Variants in ARMC9 observed in about 807,000 individuals in gnomAD.
The protein encoded by ARMC9 is armadillo repeat containing 9.
Under a neutral mutation model 107.0 loss-of-function variants are expected in ARMC9, and 94 were observed. The observed-to-expected ratio is 0.88, with a 90% CI of 0.74 to 1.04. ARMC9 has a LOEUF of 1.04. ARMC9 is among the 50% of genes least tolerant of loss of function. ARMC9 has a pLI of 0.00. For missense variants in ARMC9, 942 were observed against 1,030.1 expected (o/e 0.91, Z 1.17); for synonymous variants, 380 against 396.9 (o/e 0.96, Z 0.51).
At chr2:231,250,101 G>A (rs1195036991) in intron 9 of ARMC9, among the ~76,000 whole-genome samples, 1 of 152,192 alleles carries the variant, frequency 6.6e-6, no homozygotes, top group African/African-American at 2.4e-5. Context: ...CTTTCCCTGA[G>A]CTCTCAGCCT....
At chr2:231,324,167 GC>G (rs1293902574) in intron 19 of ARMC9, among the ~76,000 whole-genome samples, 15 of 101,364 alleles carry the variant, frequency 1.5e-4, no homozygotes, top group African/African-American at 4.8e-4. Context: ...TTGCTCTGTT[GC>G]CCAGGCTGGA....
chr2:231,262,212 G>T, intron 11 of ARMC9, 94 bp from the exon 12 acceptor site: 1 of 1,118,090 alleles, frequency 8.9e-7, no homozygotes, highest in South Asian at 1.3e-5. Context: ...AAATGTGTAG[G>T]TACTGATACT....
intron 21 of ARMC9, among the ~76,000 whole-genome samples, chr2:231,346,831 T>C (rs1329913220): frequency 6.6e-6 from 1 of 152,224 alleles, no homozygotes; most frequent in Non-Finnish European, 1.5e-5. Context: ...TACCAATTAC[T>C]AGTAAATCTA....
intron 3 of ARMC9, among the ~76,000 whole-genome samples, chr2:231,211,626 T>C (rs1346535101): frequency 6.6e-6 from 1 of 152,188 alleles, no homozygotes; most frequent in Non-Finnish European, 1.5e-5. Flanking sequence ...CCCAGAAGTA[T>C]TGCTGGATCA....
chr2:231,356,068 CAG>C (rs1418888192), intron 22 of ARMC9, 134 bp downstream of exon 22: 1 of 1,210,086 alleles, frequency 8.3e-7, no homozygotes, highest in African/African-American at 1.5e-5. Context: ...CCCCGTGTCA[CAG>C]AGGCTCACGG....
chr2:231,231,378 A>G (rs945829662), intron 7 of ARMC9, among the ~76,000 whole-genome samples: 4 of 152,140 alleles, frequency 2.6e-5, no homozygotes, highest in African/African-American at 7.2e-5. Flanking sequence ...TATATATATG[A>G]AAAACTTTAT....
chr2:231,296,758 A>G (rs2041401256), intron 19 of ARMC9, among the ~76,000 whole-genome samples: 1 of 152,214 alleles, frequency 6.6e-6, no homozygotes, highest in South Asian at 2.1e-4. Context: ...CTGGTGTTTT[A>G]GAGCATGAAG....
At chr2:231,298,458 C>G (rs996636214) in intron 19 of ARMC9, among the ~76,000 whole-genome samples, 2 of 152,218 alleles carry the variant, frequency 1.3e-5, no homozygotes, top group African/African-American at 4.8e-5. Flanking sequence ...AGAAGTAGCA[C>G]TGTTGTTGGA....
At chr2:231,270,874 C>T (rs1430793277) in intron 12 of ARMC9, 108 bp from the exon 13 acceptor site, 1 of 903,942 alleles carries the variant, frequency 1.1e-6, no homozygotes, top group African/African-American at 1.7e-5. Flanking sequence ...TTTATTTCAC[C>T]TCTAATAAAT....
At chr2:231,202,908 G>C (rs1455873169) in intron 1 of ARMC9, among the ~76,000 whole-genome samples, 1 of 152,086 alleles carries the variant, frequency 6.6e-6, no homozygotes, top group Admixed American at 6.6e-5. Context: ...GCAGACTTGG[G>C]GGGTATGCCT....
chr2:231,210,963 T>C lies in ARMC9; in HGVS notation c.177+2711T>C, dbSNP rs545589830. The stretch of plus-strand genomic sequence containing the variant: ...CACTATTCTACTTTCTGTCTATGAA[T>C]TGGCTACTTTAGATATGTCATATAA... On this transcript the variant is annotated intron_variant, in intron 3 of 24. Transcript: ENST00000611582. 5.9e-5 allele frequency among the ~76,000 whole-genome samples: 9 copies of C among 152,344 alleles called. No individual in the cohort carries two copies. The South Asian group carries it at 1.9e-3, about 32-fold the overall frequency.
At chr2:231,229,148 G>A (rs1044878238) in intron 7 of ARMC9, among the ~76,000 whole-genome samples, 4 of 151,990 alleles carry the variant, frequency 2.6e-5, no homozygotes, top group East Asian at 1.9e-4. Context: ...CATCTGTGGC[G>A]GAGTGAACTC....
At chr2:231,329,735 T>C (rs1299831344) in intron 19 of ARMC9, among the ~76,000 whole-genome samples, 1 of 152,238 alleles carries the variant, frequency 6.6e-6, no homozygotes, top group Non-Finnish European at 1.5e-5. Context: ...TCAATGTTCG[T>C]GTGTTCCTTA....
chr2:231,355,652 C>T (rs2045310132), intron 21 of ARMC9, 146 bp from the exon 22 acceptor site: 1 of 1,047,324 alleles, frequency 9.5e-7, no homozygotes, highest in Non-Finnish European at 1.3e-6. Context: ...TGCCAAGACC[C>T]TTTAGAAGGT....
At chr2:231,211,006 T>C (rs1574595495) in intron 3 of ARMC9, among the ~76,000 whole-genome samples, 3 of 152,206 alleles carry the variant, frequency 2.0e-5, no homozygotes, top group East Asian at 3.8e-4. Context: ...TATGCAGTAT[T>C]CGTCTTTCTG....
intron 10 of ARMC9, among the ~76,000 whole-genome samples, chr2:231,256,934 T>C (rs2037877829): frequency 6.6e-6 from 1 of 152,222 alleles, no homozygotes; most frequent in Admixed American, 6.5e-5. Context: ...CAAGCGATTG[T>C]CCTGCCTCAG....
chr2:231,238,055 A>T lies in ARMC9; in HGVS notation c.781-1888A>T, dbSNP rs372001593. On this transcript the variant is annotated intron_variant, in intron 8 of 24. Transcript: ENST00000611582. ...GCTCACTGGTTGTGAGCTTTGCCAC[A>T]CGAGTTTCCATGGAGGAACGCAGGT... is the stretch of plus-strand genomic sequence containing the variant. Among the ~76,000 whole-genome samples the T allele has an allele frequency of 3.3e-5, 5 of 151,890 alleles. No homozygotes were observed. The East Asian group carries it at 5.8e-4, about 18-fold the overall frequency.
chr2:231,324,248 C>T (rs1333954425), intron 19 of ARMC9, among the ~76,000 whole-genome samples: 2 of 150,458 alleles, frequency 1.3e-5, no homozygotes, highest in Admixed American at 6.6e-5. Flanking sequence ...CTGCCTCAGC[C>T]TCCTGAGTAG....
intron 17 of ARMC9, among the ~76,000 whole-genome samples, chr2:231,289,743 T>G (rs1045730498): frequency 7.2e-5 from 11 of 152,180 alleles, no homozygotes; most frequent in Admixed American, 3.9e-4. Context: ...TGGACAACTT[T>G]CCAGAGTTCT....
Sources: gnomAD v4.1 joint callset for allele counts (sites outside exome capture counted in the v4.1 genomes callset) on GRCh38, gnomAD v4.1.1 for gene constraint, MANE v1.5 for transcripts, NCBI Gene and HGNC (gene_info 2026-07-23, HGNC 2026-07-21) for gene names.